Variants in ADAMTSL3 observed in about 807,000 individuals in gnomAD.
ADAMTSL3 encodes ADAMTS like 3, also known as ADAMTS-like protein 3.
A neutral mutation model predicts 201.7 loss-of-function variants in ADAMTSL3; 128 were observed. That is an observed-to-expected ratio of 0.63 (90% CI 0.55 to 0.73). The LOEUF (loss-of-function observed/expected upper bound fraction) is 0.73, where lower values mean the gene tolerates loss of function less well. Ranked by LOEUF, ADAMTSL3 falls within the 30% of genes least tolerant of loss-of-function variation. ADAMTSL3 has a pLI of 0.00. For synonymous variants in ADAMTSL3, 738 were observed against 748.4 expected (o/e 0.99, Z 0.23); for missense variants, 1,990 against 2,119.6 (o/e 0.94, Z 1.20).
chr15:83,989,687 T>G (rs1170907483), intron 22 of ADAMTSL3, among the ~76,000 whole-genome samples: 1 of 152,208 alleles, frequency 6.6e-6, no homozygotes, highest in Non-Finnish European at 1.5e-5. Context: ...AGTACTGCCA[T>G]TGTCCAGCTC....
chr15:84,013,493 C>G (rs932066476), intron 23 of ADAMTSL3, among the ~76,000 whole-genome samples: 1 of 152,224 alleles, frequency 6.6e-6, no homozygotes, highest in Non-Finnish European at 1.5e-5. Context: ...TCATCTGAAG[C>G]TATTCCAGCT....
At chr15:83,965,663 C>T (rs1430076920) in intron 19 of ADAMTSL3, among the ~76,000 whole-genome samples, 2 of 152,204 alleles carry the variant, frequency 1.3e-5, no homozygotes, top group African/African-American at 2.4e-5. Context: ...GACTTGAACT[C>T]AGCTCTGGAC....
intron 20 of ADAMTSL3, among the ~76,000 whole-genome samples, chr15:83,971,050 A>G (rs2067186190): frequency 1.3e-5 from 2 of 152,332 alleles, no homozygotes; most frequent in African/African-American, 4.8e-5. Flanking sequence ...TTTCTTGTGT[A>G]TAATCTAAAA....
intron 3 of ADAMTSL3, among the ~76,000 whole-genome samples, chr15:83,713,823 C>CTTAG: frequency 6.6e-6 from 1 of 152,244 alleles, no homozygotes; most frequent in South Asian, 2.1e-4. Context: ...CCAATTCTAG[C>CTTAG]CTACGTCAAA....
intron 27 of ADAMTSL3, among the ~76,000 whole-genome samples, chr15:84,029,637 C>T (rs2068367674): frequency 2.1e-5 from 1 of 48,690 alleles, no homozygotes; most frequent in Admixed American, 2.2e-4. Context: ...AAAGAAAAAC[C>T]CATTTTCTGA....
At chr15:83,906,618 CACA>C (rs1261915285) in intron 15 of ADAMTSL3, among the ~76,000 whole-genome samples, 4 of 25,628 alleles carry the variant, frequency 1.6e-4, no homozygotes, top group East Asian at 1.5e-3. Context: ...TATAGTGCCA[CACA>C]CCACACACAC....
intron 19 of ADAMTSL3, among the ~76,000 whole-genome samples, chr15:83,954,205 A>C (rs534455296): frequency 1.3e-5 from 2 of 152,114 alleles, no homozygotes; most frequent in East Asian, 3.9e-4. Flanking sequence ...TCTTGTAGGC[A>C]TGCTTCATTA....
intron 5 of ADAMTSL3, among the ~76,000 whole-genome samples, chr15:83,813,937 G>A (rs1400231869): frequency 6.6e-6 from 1 of 152,100 alleles, no homozygotes; most frequent in East Asian, 1.9e-4. Context: ...TTTATACCAG[G>A]GTTTATAGGA....
intron 3 of ADAMTSL3, among the ~76,000 whole-genome samples, chr15:83,754,672 A>G (rs1478597941): frequency 6.6e-6 from 1 of 152,208 alleles, no homozygotes; most frequent in Admixed American, 6.5e-5. Context: ...AGGTAAATAC[A>G]TAGACATAGG....
intron 3 of ADAMTSL3, 149 bp from the exon 4 acceptor site, chr15:83,773,374 C>T (rs1421658904): frequency 1.3e-5 from 11 of 866,976 alleles, no homozygotes; most frequent in Non-Finnish European, 1.7e-5. Context: ...TGCCATTGCA[C>T]TCCTGGGCAA....
intron 16 of ADAMTSL3, among the ~76,000 whole-genome samples, chr15:83,914,880 G>GT (rs1291164795): frequency 6.6e-6 from 1 of 151,202 alleles, no homozygotes; most frequent in African/African-American, 2.4e-5. Flanking sequence ...TTTGTTTTTT[G>GT]TTTTTTGTGG....
At chr15:83,786,257 G>A (rs76136488) in intron 4 of ADAMTSL3, among the ~76,000 whole-genome samples, 11,378 of 152,158 alleles carry the variant, frequency 0.075, 609 homozygotes, top group Admixed American at 0.18. Flanking sequence ...GATTACAAGC[G>A]TTAGCCACCA....
At position 83,949,915 on chromosome 15, in the gene ADAMTSL3, C is replaced by T. The variant is rs2066728295; in HGVS notation, c.2490+6833C>T. Among the ~76,000 whole-genome samples the T allele has an allele frequency of 2.0e-5, 3 of 151,902 alleles. No homozygotes were observed. The South Asian group carries it at 6.2e-4, about 32-fold the overall frequency. On this transcript the variant is annotated intron_variant, in intron 19 of 29. Transcript: ENST00000286744. Reference sequence around the variant, plus strand: ...CCCTTATATGTTCTGGTTCTTAAACCTTTGTCAGATGGGTAATCTTCAGAT... The same window carrying T: ...CCCTTATATGTTCTGGTTCTTAAACTTTTGTCAGATGGGTAATCTTCAGAT...
intron 7 of ADAMTSL3, among the ~76,000 whole-genome samples, chr15:83,842,388 G>C (rs754103282): frequency 6.6e-6 from 1 of 152,030 alleles, no homozygotes; most frequent in Non-Finnish European, 1.5e-5. Context: ...GGAACTTTGG[G>C]AGCTGTAAAC....
intron 3 of ADAMTSL3, among the ~76,000 whole-genome samples, chr15:83,715,827 G>C (rs1204753865): frequency 6.6e-6 from 1 of 152,104 alleles, no homozygotes; most frequent in Non-Finnish European, 1.5e-5. Context: ...TGGCCAGACT[G>C]GACTCCATGC....
chr15:83,893,917 G>T (rs1467151326), intron 13 of ADAMTSL3, among the ~76,000 whole-genome samples: 1 of 152,086 alleles, frequency 6.6e-6, no homozygotes, highest in Non-Finnish European at 1.5e-5. Flanking sequence ...AGTGATTTCT[G>T]CACACTTAGT....
At chr15:83,913,951 C>T (rs1725802217) in intron 16 of ADAMTSL3, among the ~76,000 whole-genome samples, 1 of 152,174 alleles carries the variant, frequency 6.6e-6, no homozygotes, top group African/African-American at 2.4e-5. Context: ...ATGATTTATA[C>T]AATCTAGGAT....
chr15:83,820,113 A>AGAAAAGGGTT, intron 6 of ADAMTSL3, 66 bp downstream of exon 6: 1 of 1,376,740 alleles, frequency 7.3e-7, no homozygotes, highest in Non-Finnish European at 1.0e-6. Flanking sequence ...AATAAACAGA[A>AGAAAAGGGTT]CCCTTTTCTT....
intron 7 of ADAMTSL3, among the ~76,000 whole-genome samples, chr15:83,845,229 G>A (rs887674206): frequency 6.6e-6 from 1 of 152,188 alleles, no homozygotes; most frequent in Non-Finnish European, 1.5e-5. Context: ...GGAAAGAAGT[G>A]GTTATTTCAT....
Sources: gnomAD v4.1 joint callset for allele counts (sites outside exome capture counted in the v4.1 genomes callset) on GRCh38, gnomAD v4.1.1 for gene constraint, MANE v1.5 for transcripts, NCBI Gene and HGNC (gene_info 2026-07-23, HGNC 2026-07-21) for gene names.